MAGI1: variants seen among roughly 807,000 people sequenced by gnomAD.
The protein encoded by MAGI1 is membrane associated guanylate kinase, WW and PDZ domain containing 1, also known as membrane-associated guanylate kinase, WW and PDZ domain-containing protein 1.
MAGI1 carries 58 observed loss-of-function variants against 139.9 expected under a neutral mutation model. The ratio of observed to expected loss-of-function variants is 0.41; its 90% CI spans 0.34 to 0.52. The LOEUF is 0.52. Ranked by LOEUF, MAGI1 falls within the 20% of genes least tolerant of loss-of-function variation. The pLI, the probability that MAGI1 is intolerant of heterozygous loss-of-function variation, is 0.12. For synonymous variants in MAGI1, 812 were observed against 737.9 expected (o/e 1.10, Z -1.63); for missense variants, 1,874 against 1,901.6 (o/e 0.99, Z 0.27).
intron 14 of MAGI1, among the ~76,000 whole-genome samples, chr3:65,389,801 G>A (rs183351743): frequency 6.6e-6 from 1 of 152,292 alleles, no homozygotes; most frequent in African/African-American, 2.4e-5. Context: ...TCAGCAGAGT[G>A]AACTTGTAGC....
At chr3:65,826,443 C>G (rs1199095258) in intron 1 of MAGI1, among the ~76,000 whole-genome samples, 1 of 152,198 alleles carries the variant, frequency 6.6e-6, no homozygotes, top group Non-Finnish European at 1.5e-5. Context: ...CAAATTCTTA[C>G]CTGTTACTTG....
intron 18 of MAGI1, among the ~76,000 whole-genome samples, chr3:65,369,506 T>C (rs1008401225): frequency 1.3e-5 from 2 of 151,448 alleles, no homozygotes; most frequent in Admixed American, 6.6e-5. Context: ...CCAGACGTGA[T>C]GGATTCTTTT....
chr3:65,919,737 G>A (rs374156653), intron 1 of MAGI1, among the ~76,000 whole-genome samples: 2 of 149,840 alleles, frequency 1.3e-5, no homozygotes, highest in Admixed American at 6.7e-5. Flanking sequence ...AAAAGGCAAC[G>A]TTCCCCCATT....
At chr3:66,023,740 CTTCA>C (rs2068084756) in intron 1 of MAGI1, among the ~76,000 whole-genome samples, 1 of 152,198 alleles carries the variant, frequency 6.6e-6, no homozygotes, top group Non-Finnish European at 1.5e-5. Flanking sequence ...TATACATAAA[CTTCA>C]TTCGTTCTTG....
chr3:65,892,059 C>T (rs1323381076), intron 1 of MAGI1, among the ~76,000 whole-genome samples: 1 of 150,884 alleles, frequency 6.6e-6, no homozygotes, highest in Non-Finnish European at 1.5e-5. Context: ...ACAGAAAACT[C>T]ATTATAGATA....
chr3:65,487,486 T>C (rs1291730460), intron 3 of MAGI1, among the ~76,000 whole-genome samples: 1 of 152,144 alleles, frequency 6.6e-6, no homozygotes, highest in Non-Finnish European at 1.5e-5. Context: ...GGCCAGGCTA[T>C]GTCCCTAACT....
Position 66,038,830 on chromosome 3 carries a change from C to CAGAT in MAGI1, c.-526_-523dup, listed in dbSNP as rs1028690567. The stretch of plus-strand genomic sequence containing the variant: ...GGTAAGTGCTCGCGGCCCCTTTAAG[C>CAGAT]AGATACAAAGGCTCGGCTTGTTTTG... On this transcript the variant is annotated 5_prime_UTR_variant, in exon 1 of 23. It removes the in-frame stop codon of an upstream open reading frame in the 5' UTR. Transcript: ENST00000402939. 2 of 153,390 alleles carry CAGAT rather than the reference C, an allele frequency of 1.3e-5. No individual in the cohort carries two copies. Among genetic ancestry groups the CAGAT allele is most frequent in the Non-Finnish European group, 2.9e-5 (2 of 68,938 alleles). The allele number at this position is 153,390 out of a possible 1,614,324, so 9.5% of individuals were successfully genotyped here.
At chr3:65,363,426 G>A (rs576540971) in intron 21 of MAGI1, 39 bp downstream of exon 21, 12 of 1,563,158 alleles carry the variant, frequency 7.7e-6, no homozygotes, top group South Asian at 1.2e-5. Context: ...ACTGCAGATG[G>A]TTTCTTTGCA....
At chr3:66,017,377 C>T (rs80100627) in intron 1 of MAGI1, among the ~76,000 whole-genome samples, 3 of 152,236 alleles carry the variant, frequency 2.0e-5, no homozygotes, top group Admixed American at 6.5e-5. Flanking sequence ...TCCCTCCCAA[C>T]GGAGGGTGCA....
chr3:65,477,650 T>C (rs978388235), intron 4 of MAGI1, among the ~76,000 whole-genome samples: 1 of 151,922 alleles, frequency 6.6e-6, no homozygotes, highest in Non-Finnish European at 1.5e-5. Flanking sequence ...AAAATATTCT[T>C]GAGCTCTTCT....
rs116188200 is a variant in MAGI1 at position 65,722,015 on chromosome 3, C to T, written c.314-99927G>A. On this transcript the variant is annotated intron_variant, in intron 1 of 22. Transcript: ENST00000402939. ...CTCTGCCCTTACAAGTCTTGCTTTC[C>T]ACTATGAGTTCCCTGTTGCTGACCT... 2.4e-3 allele frequency among the ~76,000 whole-genome samples: 364 copies of T among 152,172 alleles called. 1 individual carries two copies. Among genetic ancestry groups the T allele is most frequent in the African/African-American group, 7.3e-3 (305 of 41,526 alleles).
chr3:66,025,722 A>G (rs1258690759), intron 1 of MAGI1, among the ~76,000 whole-genome samples: 1 of 152,056 alleles, frequency 6.6e-6, no homozygotes, highest in Admixed American at 6.6e-5. Context: ...GTGTGTGTGT[A>G]TGTGTACGTC....
chr3:65,878,122 G>GA lies in MAGI1; in HGVS notation c.313+159873dup, dbSNP rs1462981594. 1.6e-4 allele frequency among the ~76,000 whole-genome samples: 24 copies of GA among 151,136 alleles called. No individual in the cohort carries two copies. In the South Asian group the frequency reaches 2.3e-3, roughly 15 times the overall value. On this transcript the variant is annotated intron_variant, in intron 1 of 22. Transcript: ENST00000402939. Reference sequence around the variant, plus strand: ...TGAGGTTCTGTCTCAAAAAAAAAAGGAAAAAAAACACAGGAACACGGACAT... The same window carrying GA: ...TGAGGTTCTGTCTCAAAAAAAAAAGGAAAAAAAAACACAGGAACACGGACAT...
chr3:65,900,311 G>C (rs1010652490), intron 1 of MAGI1, among the ~76,000 whole-genome samples: 4 of 152,156 alleles, frequency 2.6e-5, no homozygotes, highest in African/African-American at 7.2e-5. Flanking sequence ...CAACCTTCAA[G>C]ATAACTTCTC....
At chr3:65,694,617 G>C (rs983914595) in intron 1 of MAGI1, among the ~76,000 whole-genome samples, 4 of 152,186 alleles carry the variant, frequency 2.6e-5, no homozygotes, top group African/African-American at 9.7e-5. Flanking sequence ...GTTGATTCTG[G>C]CTAAGCCTTC....
At chr3:65,797,712 T>C (rs985005330) in intron 1 of MAGI1, among the ~76,000 whole-genome samples, 4 of 151,726 alleles carry the variant, frequency 2.6e-5, no homozygotes, top group Non-Finnish European at 5.9e-5. Flanking sequence ...TGAGACCCAG[T>C]CTCAAAAAAA....
chr3:65,784,367 T>C (rs556491963), intron 1 of MAGI1, among the ~76,000 whole-genome samples: 60 of 152,228 alleles, frequency 3.9e-4, no homozygotes, highest in African/African-American at 1.3e-3. Context: ...GTATTACTCA[T>C]AAGAGGTCAA....
At chr3:65,592,803 G>A (rs1224139199) in intron 2 of MAGI1, among the ~76,000 whole-genome samples, 1 of 152,048 alleles carries the variant, frequency 6.6e-6, no homozygotes, top group Admixed American at 6.5e-5. Context: ...CTTTTGTTTT[G>A]CCAACCACAG....
At chr3:65,934,901 A>G (rs1035264819) in intron 1 of MAGI1, among the ~76,000 whole-genome samples, 9 of 152,084 alleles carry the variant, frequency 5.9e-5, no homozygotes, top group Non-Finnish European at 1.2e-4. Context: ...ATTTAATCCT[A>G]TCTATAGTAA....
Sources: allele counts gnomAD v4.1 joint callset (sites outside exome capture counted in the v4.1 genomes callset), GRCh38; gene constraint gnomAD v4.1.1; transcripts MANE v1.5; gene names NCBI Gene and HGNC (gene_info 2026-07-23, HGNC 2026-07-21).